The following AOX1 variants were observed in gnomAD, a reference collection of about 807,000 sequenced individuals.
The protein encoded by AOX1 is aldehyde oxidase.
Under a neutral mutation model 169.5 loss-of-function variants are expected in AOX1, and 153 were observed. The observed-to-expected ratio is 0.90, with a 90% CI of 0.79 to 1.03. AOX1 has a LOEUF of 1.03. AOX1 is among the 50% of genes least tolerant of loss of function. AOX1 has a pLI of 0.00. For synonymous variants in AOX1, 562 were observed against 581.9 expected (o/e 0.97, Z 0.49); for missense variants, 1,656 against 1,663.9 (o/e 1.00, Z 0.08).
intron 26 of AOX1, among the ~76,000 whole-genome samples, chr2:200,653,654 C>T (rs997731435): frequency 1.3e-4 from 20 of 152,198 alleles, no homozygotes; most frequent in Non-Finnish European, 2.6e-4. Context: ...GGGGGTCAAA[C>T]GTGCCCCACC....
At chr2:200,637,419 C>T (rs2035257347) in intron 22 of AOX1, among the ~76,000 whole-genome samples, 1 of 151,934 alleles carries the variant, frequency 6.6e-6, no homozygotes, top group Non-Finnish European at 1.5e-5. Context: ...TATTTATATA[C>T]ATATAAACCA....
rs1333898084 is a variant in AOX1, at chr2:200,593,152, G to GA, written c.59dup (p.Asn20LysfsTer5). On this transcript the variant is annotated frameshift_variant, in exon 2 of 35. Transcript: ENST00000374700. LOFTEE classifies it high-confidence loss of function. ...TATTTTCCCTTTGGTATAGGTGATA[G>GA]AAAAAAATGTCGATCCTGAAACAAT... 13 of 1,613,094 alleles carry GA rather than the reference G, an allele frequency of 8.1e-6. No homozygotes were observed. The highest frequency in any genetic ancestry group is 1.6e-4 in the Middle Eastern group (1 of 6,078).
At chr2:200,605,471 A>G (rs2034494235) in intron 9 of AOX1, 65 bp from the exon 10 acceptor site, 4 of 719,950 alleles carry the variant, frequency 5.6e-6, no homozygotes, top group African/African-American at 1.8e-5. Context: ...ATAATTTCAA[A>G]TTTAAAAGGC....
At chr2:200,638,333 T>C (rs1252956278) in intron 23 of AOX1, 31 bp downstream of exon 23, 2 of 1,595,150 alleles carry the variant, frequency 1.3e-6, no homozygotes, top group Non-Finnish European at 1.7e-6. Context: ...AGGAAGGATT[T>C]ATGTTGTAGA....
At chr2:200,602,665 C>T (rs1226682835) in intron 6 of AOX1, among the ~76,000 whole-genome samples, 2 of 152,202 alleles carry the variant, frequency 1.3e-5, no homozygotes, top group East Asian at 1.9e-4. Flanking sequence ...GAACATGTGA[C>T]GGGCATACAC....
At chr2:200,653,999 C>A (rs1159348741) in intron 26 of AOX1, among the ~76,000 whole-genome samples, 1 of 151,910 alleles carries the variant, frequency 6.6e-6, no homozygotes, top group Non-Finnish European at 1.5e-5. Context: ...GCATTCTTCC[C>A]CCATTTCTCT....
At chr2:200,586,536 C>T (rs540712579) in intron 1 of AOX1, among the ~76,000 whole-genome samples, 82 of 152,356 alleles carry the variant, frequency 5.4e-4, no homozygotes, top group Admixed American at 3.6e-3. Context: ...GGGAACGTCC[C>T]CAGTACACTG....
chr2:200,629,871 T>C (rs2035079622), intron 20 of AOX1, among the ~76,000 whole-genome samples: 1 of 152,138 alleles, frequency 6.6e-6, no homozygotes. Context: ...GCCTCTTACT[T>C]GAATTTTTGT....
chr2:200,656,736 T>A, intron 26 of AOX1, 106 bp from the exon 27 acceptor site: 2 of 754,872 alleles, frequency 2.6e-6, no homozygotes, highest in East Asian at 3.3e-5. Context: ...CCCTGGGGGG[T>A]GCGGGATTCT....
At chr2:200,662,034 T>G (rs1046248651) in intron 30 of AOX1, among the ~76,000 whole-genome samples, 2 of 152,200 alleles carry the variant, frequency 1.3e-5, no homozygotes, top group Non-Finnish European at 2.9e-5. Context: ...ACCTTCAGGA[T>G]TGGCAAAAAA....
intron 28 of AOX1, among the ~76,000 whole-genome samples, chr2:200,659,777 TTCTC>T (rs112152232): frequency 0.02 from 2,017 of 99,266 alleles, 48 homozygotes; most frequent in East Asian, 0.15. Context: ...ACAAGGCCAG[TTCTC>T]TCTCTCACAC....
downstream of AOX1, among the ~76,000 whole-genome samples, chr2:200,677,663 C>T (rs1313751461): frequency 6.6e-6 from 1 of 152,220 alleles, no homozygotes; most frequent in Admixed American, 6.5e-5. Context: ...ATTCTTAAAT[C>T]ATTTAAGTGA....
intron 18 of AOX1, among the ~76,000 whole-genome samples, chr2:200,622,810 A>G (rs1021567948): frequency 1.3e-5 from 2 of 152,200 alleles, no homozygotes; most frequent in Non-Finnish European, 1.5e-5. Context: ...TAAAACATTC[A>G]TTTATGGCAC....
intron 28 of AOX1, among the ~76,000 whole-genome samples, 170 bp from the exon 29 acceptor site, chr2:200,659,825 C>CACAT (rs1196876810): frequency 2.7e-5 from 4 of 146,926 alleles, no homozygotes; most frequent in Non-Finnish European, 5.9e-5. Flanking sequence ...CACACACACA[C>CACAT]GTGCACACAC....
chr2:200,644,435 C>A (rs114475847), intron 25 of AOX1, among the ~76,000 whole-genome samples: 1 of 152,168 alleles, frequency 6.6e-6, no homozygotes, highest in Non-Finnish European at 1.5e-5. Context: ...CACTACTACA[C>A]CATTTTGTTG....
intron 23 of AOX1, among the ~76,000 whole-genome samples, chr2:200,640,583 C>T (rs1239138751): frequency 2.6e-5 from 4 of 152,064 alleles, no homozygotes; most frequent in South Asian, 2.1e-4. Flanking sequence ...TAGAAGAAAG[C>T]GACAAGTTGG....
chr2:200,618,007 G>A (rs915061697), intron 16 of AOX1, among the ~76,000 whole-genome samples: 1 of 152,152 alleles, frequency 6.6e-6, no homozygotes, highest in African/African-American at 2.4e-5. Context: ...TGGGGACAGG[G>A]CAGTGTGAGC....
downstream of AOX1, among the ~76,000 whole-genome samples, chr2:200,674,438 G>A (rs1254100116): frequency 6.6e-6 from 1 of 151,844 alleles, no homozygotes; most frequent in Non-Finnish European, 1.5e-5. Flanking sequence ...GGTGGGGGGG[G>A]TGATATTACA....
At chr2:200,664,545 A>G (rs948140094) in intron 31 of AOX1, among the ~76,000 whole-genome samples, 5 of 152,250 alleles carry the variant, frequency 3.3e-5, no homozygotes, top group Non-Finnish European at 5.9e-5. Flanking sequence ...GAACAAGGTA[A>G]TAATTAGCCT....
Sources: allele counts gnomAD v4.1 joint callset (sites outside exome capture counted in the v4.1 genomes callset), GRCh38; gene constraint gnomAD v4.1.1; transcripts MANE v1.5; gene names NCBI Gene and HGNC (gene_info 2026-07-23, HGNC 2026-07-21).